Variants in ATF7IP observed in about 807,000 individuals in gnomAD.
The protein encoded by ATF7IP is activating transcription factor 7 interacting protein, also known as activating transcription factor 7-interacting protein 1.
Under a neutral mutation model 106.4 loss-of-function variants are expected in ATF7IP, and 23 were observed. The ratio of observed to expected loss-of-function variants is 0.22; its 90% CI spans 0.16 to 0.31. ATF7IP has a LOEUF of 0.31. Ranked by LOEUF, ATF7IP falls within the 10% of genes least tolerant of loss-of-function variation. ATF7IP has a pLI of 1.00. For synonymous variants in ATF7IP, 542 were observed against 539.0 expected, an observed-to-expected ratio of 1.01 and a Z score of -0.08; for missense variants, 1,334 against 1,524.3, an observed-to-expected ratio of 0.88 and a Z score of 2.08.
chr12:14,460,543 C>T lies in ATF7IP; in HGVS notation c.2207C>T (p.Pro736Leu). The change falls in exon 9 of 15, where the codon CCT becomes CTT. Residue 736 changes from proline (P) to leucine (L), a missense_variant. This residue lies in a region of ATF7IP where 171 missense variants were observed against 172.6 expected (regional missense o/e 0.99). Coordinates refer to ENST00000261168, the MANE Select transcript of ATF7IP (RefSeq NM_018179.5). ...VTPPAVVSSQPKLQTPVTSGS... is the reference protein window; with the variant it reads ...VTPPAVVSSQLKLQTPVTSGS... ...CCTCCAGCAGTTGTCAGTAGTCAAC[C>T]TAAATTGCAGACTCCAGTGACTTCG... The T allele has an allele frequency of 6.2e-7, 1 of 1,614,146 alleles. No homozygotes were observed. Among genetic ancestry groups the T allele is most frequent in the Non-Finnish European group, 8.5e-7 (1 of 1,180,008 alleles).
intron 9 of ATF7IP, chr12:14,466,101 CAT>C (rs764857980): frequency 3.0e-4 from 47 of 155,840 alleles, no homozygotes; most frequent in South Asian, 1.6e-3. Context: ...GAGAAATACA[CAT>C]GTGTATTTTC....
At chr12:14,390,644 G>A (rs1053677734) in intron 1 of ATF7IP, among the ~76,000 whole-genome samples, 4 of 152,156 alleles carry the variant, frequency 2.6e-5, no homozygotes, top group Non-Finnish European at 4.4e-5. Flanking sequence ...GAGCTAAGAA[G>A]TTTATCACTG....
At chr12:14,484,977 GTC>G (rs1384930761) in intron 13 of ATF7IP, among the ~76,000 whole-genome samples, 1 of 152,122 alleles carries the variant, frequency 6.6e-6, no homozygotes, top group African/African-American at 2.4e-5. Context: ...GCCAAGAGCT[GTC>G]TCTCAAAAGG....
chr12:14,392,082 T>G (rs553273503), intron 1 of ATF7IP, among the ~76,000 whole-genome samples: 200 of 152,348 alleles, frequency 1.3e-3, no homozygotes, highest in African/African-American at 4.5e-3. Context: ...CAGTTTTTCT[T>G]GTTTTTAAAA....
intron 1 of ATF7IP, among the ~76,000 whole-genome samples, chr12:14,381,991 A>C (rs1253161415): frequency 6.6e-6 from 1 of 152,140 alleles, no homozygotes; most frequent in Non-Finnish European, 1.5e-5. Flanking sequence ...AAATAAAAAA[A>C]AAATTGAATG....
intron 1 of ATF7IP, among the ~76,000 whole-genome samples, chr12:14,370,162 C>A (rs925283164): frequency 1.3e-5 from 2 of 152,128 alleles, no homozygotes; most frequent in African/African-American, 4.8e-5. Flanking sequence ...GCTCGAACTT[C>A]CTACCTCAGG....
chr12:14,460,462 A>G (rs2136721012), intron 8 of ATF7IP, 33 bp from the exon 9 acceptor site: 1 of 1,546,126 alleles, frequency 6.5e-7, no homozygotes, highest in Admixed American at 1.9e-5. Context: ...TAATATAACC[A>G]TTTAAACTGA....
At chr12:14,494,287 ATATATAT>A (rs1944925620) in intron 13 of ATF7IP, among the ~76,000 whole-genome samples, 6 of 13,218 alleles carry the variant, frequency 4.5e-4, no homozygotes, top group Admixed American at 3.4e-3. Context: ...CTAATAGAAT[ATATATAT>A]ATATATATAT....
At chr12:14,374,959 A>T (rs895803002) in intron 1 of ATF7IP, among the ~76,000 whole-genome samples, 2 of 152,116 alleles carry the variant, frequency 1.3e-5, no homozygotes, top group Non-Finnish European at 2.9e-5. Flanking sequence ...GTTAGGAATC[A>T]TATCTTATTG....
At chr12:14,384,302 T>C (rs1335431892) in intron 1 of ATF7IP, among the ~76,000 whole-genome samples, 2 of 152,230 alleles carry the variant, frequency 1.3e-5, no homozygotes, top group African/African-American at 4.8e-5. Context: ...CTATTGCTGA[T>C]GTGAACAGGT....
intron 10 of ATF7IP, among the ~76,000 whole-genome samples, chr12:14,468,782 T>C (rs191198160): frequency 7.2e-5 from 11 of 152,318 alleles, no homozygotes; most frequent in African/African-American, 2.4e-4. Context: ...ATAATGGAAG[T>C]ATATATGTGC....
intron 2 of ATF7IP, among the ~76,000 whole-genome samples, chr12:14,429,976 T>C (rs1942040941): frequency 6.6e-6 from 1 of 152,204 alleles, no homozygotes. Flanking sequence ...ACTTGACTTG[T>C]ATTAGAAAAA....
chr12:14,423,706 G>A (rs778534603), intron 1 of ATF7IP: 1 of 432,906 alleles, frequency 2.3e-6, no homozygotes, highest in Non-Finnish European at 3.8e-6. Flanking sequence ...TGATTTTCTA[G>A]TAGACTATGG....
At chr12:14,491,676 C>T (rs1032704507) in intron 13 of ATF7IP, among the ~76,000 whole-genome samples, 1 of 152,226 alleles carries the variant, frequency 6.6e-6, no homozygotes, top group Non-Finnish European at 1.5e-5. Context: ...TCTTTGCCCA[C>T]TGAAGGCAAA....
At chr12:14,397,431 GT>G (rs1277045069) in intron 1 of ATF7IP, among the ~76,000 whole-genome samples, 1 of 152,182 alleles carries the variant, frequency 6.6e-6, no homozygotes, top group Admixed American at 6.5e-5. Flanking sequence ...GGAACCTACT[GT>G]TTGATATTCC....
chr12:14,450,418 A>C (rs1297991592), intron 6 of ATF7IP, among the ~76,000 whole-genome samples: 1 of 152,130 alleles, frequency 6.6e-6, no homozygotes, highest in Non-Finnish European at 1.5e-5. Context: ...TTGCTGCATC[A>C]ATTAAGATGA....
chr12:14,457,024 G>A (rs978163627), intron 7 of ATF7IP, among the ~76,000 whole-genome samples, 183 bp from the exon 8 acceptor site: 4 of 152,164 alleles, frequency 2.6e-5, no homozygotes, highest in Non-Finnish European at 5.9e-5. Flanking sequence ...TAATGCCACA[G>A]ACCCCAGCAT....
chr12:14,448,116 G>A (rs1301982391), intron 6 of ATF7IP, among the ~76,000 whole-genome samples: 6 of 151,674 alleles, frequency 4.0e-5, no homozygotes, highest in Non-Finnish European at 8.8e-5. Context: ...CATCTTGATA[G>A]TTCCATTGTC....
rs751788720 is a variant in ATF7IP, at chr12:14,478,381, A to G, written c.3006A>G (p.Pro1002=). ...TMSSSQPVSR[P]LQPIQPAPPL... is the part of the protein sequence containing the mutation. ...GTTCTTCTCAGCCTGTGTCACGACCATTGCAACCCATACAACCAGCACCGC... is the reference window on the plus strand; with the variant it reads ...GTTCTTCTCAGCCTGTGTCACGACCGTTGCAACCCATACAACCAGCACCGC... Residue 1002 remains proline, a synonymous_variant, in exon 12 of 15, where the codon CCA becomes CCG. Coordinates refer to ENST00000261168, the MANE Select transcript of ATF7IP (RefSeq NM_018179.5). 3.7e-6 allele frequency: 6 copies of G among 1,613,938 alleles called. No individual in the cohort carries two copies. Among genetic ancestry groups the G allele is most frequent in the African/African-American group, 2.7e-5 (2 of 74,902 alleles).
Sources: gnomAD v4.1 joint callset for allele counts (sites outside exome capture counted in the v4.1 genomes callset) on GRCh38, gnomAD v4.1.1 for gene constraint, gnomAD v4.1.1 regional missense constraint, MANE v1.5 for transcripts, NCBI Gene and HGNC (gene_info 2026-07-23, HGNC 2026-07-21) for gene names.